Variants in MAF observed in about 807,000 individuals in gnomAD.
The protein encoded by MAF is transcription factor Maf.
MAF carries 10 observed loss-of-function variants against 22.0 expected under a neutral mutation model. The ratio of observed to expected loss-of-function variants is 0.45; its 90% CI spans 0.28 to 0.77. The LOEUF (loss-of-function observed/expected upper bound fraction) is 0.77. Among genes scored for constraint, MAF ranks in the 30% least tolerant of loss-of-function variants. The pLI is 0.12. For synonymous variants in MAF, 337 were observed against 255.8 expected (o/e 1.32, Z -3.03); for missense variants, 544 against 548.4 (o/e 0.99, Z 0.08).
At chr16:79,542,741 T>C in the MAF span, among the ~76,000 whole-genome samples, 1 of 152,176 alleles carries the variant, frequency 6.6e-6, no homozygotes, top group African/African-American at 2.4e-5. Flanking sequence ...TCCTTCCCCT[T>C]TGGGACTCAT....
At chr16:79,538,780 C>G in the MAF span, among the ~76,000 whole-genome samples, 8 of 150,828 alleles carry the variant, frequency 5.3e-5, no homozygotes, top group African/African-American at 2.0e-4. Flanking sequence ...GAGCTGAGAT[C>G]ACACCACTAC....
the MAF span, among the ~76,000 whole-genome samples, chr16:79,480,315 G>A: frequency 7.6e-6 from 1 of 130,912 alleles, no homozygotes; most frequent in Non-Finnish European, 1.6e-5. Flanking sequence ...TCTCAGCTGA[G>A]TTGAAATACA....
the MAF span, among the ~76,000 whole-genome samples, chr16:79,290,981 C>T: frequency 6.6e-6 from 1 of 152,052 alleles, no homozygotes; most frequent in Non-Finnish European, 1.5e-5. Flanking sequence ...TTCACAATGA[C>T]AATCGAGGAC....
At chr16:79,252,920 G>T in the MAF span, among the ~76,000 whole-genome samples, 2 of 152,160 alleles carry the variant, frequency 1.3e-5, no homozygotes, top group African/African-American at 2.4e-5. Context: ...AGGGATAGAT[G>T]GGAACTCCGT....
At chr16:79,557,560 G>A in the MAF span, among the ~76,000 whole-genome samples, 1 of 152,000 alleles carries the variant, frequency 6.6e-6, no homozygotes, top group Non-Finnish European at 1.5e-5. Context: ...GTGGCCTTGG[G>A]CGTGTTACAG....
the MAF span, among the ~76,000 whole-genome samples, chr16:79,340,316 G>T: frequency 2.6e-5 from 4 of 151,720 alleles, no homozygotes; most frequent in Non-Finnish European, 4.4e-5. Context: ...TTATTGTCAC[G>T]ATGATGATGA....
chr16:79,539,146 T>C, the MAF span, among the ~76,000 whole-genome samples: 39 of 152,370 alleles, frequency 2.6e-4, no homozygotes, highest in Non-Finnish European at 4.4e-4. Context: ...GTATCTCCTG[T>C]GGTATTTGTG....
At chr16:79,318,089 G>T in the MAF span, among the ~76,000 whole-genome samples, 3 of 152,198 alleles carry the variant, frequency 2.0e-5, no homozygotes, top group Non-Finnish European at 4.4e-5. Flanking sequence ...CTCCAAATAT[G>T]TCTTGAGCAC....
At chr16:79,277,211 G>A in the MAF span, among the ~76,000 whole-genome samples, 1 of 152,056 alleles carries the variant, frequency 6.6e-6, no homozygotes, top group Non-Finnish European at 1.5e-5. Flanking sequence ...GACACGTGCA[G>A]TTCGGTGTAA....
chr16:79,375,315 G>A, the MAF span, among the ~76,000 whole-genome samples: 4 of 152,146 alleles, frequency 2.6e-5, no homozygotes, highest in African/African-American at 9.7e-5. Flanking sequence ...AAATAAGAGA[G>A]AATCCCTCCT....
chr16:79,474,021 G>A, the MAF span, among the ~76,000 whole-genome samples: 1 of 152,110 alleles, frequency 6.6e-6, no homozygotes, highest in African/African-American at 2.4e-5. Flanking sequence ...TGTCTATAAG[G>A]AAAGGGAGAG....
chr16:79,357,903 T>C, the MAF span, among the ~76,000 whole-genome samples: 1 of 152,228 alleles, frequency 6.6e-6, no homozygotes, highest in South Asian at 2.1e-4. Context: ...GTGGCCAGCA[T>C]CTCAGGGGCT....
chr16:79,300,656 A>G, the MAF span, among the ~76,000 whole-genome samples: 1 of 152,136 alleles, frequency 6.6e-6, no homozygotes, highest in African/African-American at 2.4e-5. Context: ...AATAAAAACC[A>G]AATCAATTAG....
In MAF at chr16:79,600,190, G is replaced by C. The variant is rs975558583; in HGVS notation, c.-288C>G. The stretch of plus-strand genomic sequence containing the variant: ...CGCTCGCCTCCTTGCGCGCCGAGCC[G>C]GCGGCTTCAGGCTCGGGAAGATCCT... On this transcript the variant is annotated 5_prime_UTR_variant, in exon 1 of 2. Coordinates refer to ENST00000326043, the MANE Select transcript of MAF (RefSeq NM_005360.5). The C allele has an allele frequency of 4.2e-5, 15 of 360,332 alleles. No homozygotes were observed. Among genetic ancestry groups the C allele is most frequent in the African/African-American group, 3.2e-4 (15 of 46,384 alleles). 22.3% of individuals were successfully genotyped at this position (360,332 alleles called of 1,614,324 possible).
At chr16:79,551,167 CA>C in the MAF span, among the ~76,000 whole-genome samples, 1 of 152,088 alleles carries the variant, frequency 6.6e-6, no homozygotes, top group Non-Finnish European at 1.5e-5. Flanking sequence ...AGGGGTCACC[CA>C]AGGAAGGGAC....
chr16:79,573,759 A>C, the MAF span, among the ~76,000 whole-genome samples: 10,766 of 152,252 alleles, frequency 0.071, 544 homozygotes, highest in Middle Eastern at 0.16. Flanking sequence ...TAATAGCACT[A>C]GTGCAGACTA....
chr16:79,342,277 C>T, the MAF span, among the ~76,000 whole-genome samples: 1 of 152,158 alleles, frequency 6.6e-6, no homozygotes, highest in Non-Finnish European at 1.5e-5. Flanking sequence ...CTACAAGTGC[C>T]CCTTGCCAAG....
chr16:79,275,325 G>A, the MAF span, among the ~76,000 whole-genome samples: 1 of 152,158 alleles, frequency 6.6e-6, no homozygotes, highest in Non-Finnish European at 1.5e-5. Flanking sequence ...CAGCCTGGGC[G>A]ACAGAGCAAG....
At chr16:79,210,556 T>C in the MAF span, among the ~76,000 whole-genome samples, 1 of 152,174 alleles carries the variant, frequency 6.6e-6, no homozygotes, top group African/African-American at 2.4e-5. Context: ...TCCGGTCCTC[T>C]CTTGCAACCC....
Sources: gnomAD v4.1 joint callset for allele counts (sites outside exome capture counted in the v4.1 genomes callset) on GRCh38, gnomAD v4.1.1 for gene constraint, MANE v1.5 for transcripts, NCBI Gene and HGNC (gene_info 2026-07-23, HGNC 2026-07-21) for gene names.